Variants in CYSTM1 observed in about 807,000 individuals in gnomAD.
CYSTM1 encodes cysteine rich transmembrane module containing 1, also known as cysteine-rich transmembrane module-containing protein 1.
Under a neutral mutation model 13.1 loss-of-function variants are expected in CYSTM1, and 4 were observed. The observed-to-expected ratio is 0.31, with a 90% confidence interval of 0.15 to 0.70. The LOEUF (loss-of-function observed/expected upper bound fraction) is 0.70. CYSTM1 is among the 30% of genes least tolerant of loss of function. The pLI, the probability that CYSTM1 is intolerant of heterozygous loss-of-function variation, is 0.72. For missense variants in CYSTM1, 96 were observed against 121.6 expected (o/e 0.79, Z 0.99); for synonymous variants, 36 against 42.7 (o/e 0.84, Z 0.62).
chr5:140,211,331 G>T (rs1168567529), intron 2 of CYSTM1, among the ~76,000 whole-genome samples: 1 of 152,218 alleles, frequency 6.6e-6, no homozygotes, highest in African/African-American at 2.4e-5. Flanking sequence ...CTAGCAATCT[G>T]ATTCCAGAGG....
At chr5:140,233,179 A>G (rs909151605) in intron 2 of CYSTM1, among the ~76,000 whole-genome samples, 1 of 152,200 alleles carries the variant, frequency 6.6e-6, no homozygotes, top group East Asian at 1.9e-4. Context: ...CCTGAGGAAT[A>G]CATTTGAAAG....
At chr5:140,208,794 C>T (rs1164953037) in intron 2 of CYSTM1, among the ~76,000 whole-genome samples, 1 of 152,078 alleles carries the variant, frequency 6.6e-6, no homozygotes, top group Non-Finnish European at 1.5e-5. Flanking sequence ...AATCCCAGCA[C>T]TTTGGGAGGC....
chr5:140,217,046 T>C (rs1764436904), intron 2 of CYSTM1, among the ~76,000 whole-genome samples: 1 of 152,126 alleles, frequency 6.6e-6, no homozygotes, highest in Non-Finnish European at 1.5e-5. Flanking sequence ...TGATTTTCAA[T>C]TGCATTTTCC....
rs1764719506 is a variant in CYSTM1 at position 140,239,250 on chromosome 5, T to TGA, written c.188-4052_188-4051dup. ...GGGGCTGAGAATTGGAGCCTTCACC[T>TGA]GAGAAGGCCTATACTCACACTTCCT... On this transcript the variant is annotated intron_variant, in intron 2 of 2. Coordinates refer to ENST00000261811, the MANE Select transcript of CYSTM1 (RefSeq NM_032412.4). This position sits in a 1 kb window ranked among gnomAD's most constrained non-coding sequence, Gnocchi z 5.4. Among the ~76,000 whole-genome samples the TGA allele has an allele frequency of 6.6e-6, 1 of 152,166 alleles. No individual in the cohort carries two copies. Among genetic ancestry groups the TGA allele is most frequent in the African/African-American group, 2.4e-5 (1 of 41,434 alleles).
At chr5:140,184,199 C>T (rs1763990946) in intron 1 of CYSTM1, among the ~76,000 whole-genome samples, 1 of 152,124 alleles carries the variant, frequency 6.6e-6, no homozygotes, top group South Asian at 2.1e-4. Context: ...TAATAGAATG[C>T]ACTGTGTTGC....
At chr5:140,233,171 T>C (rs1049423443) in intron 2 of CYSTM1, among the ~76,000 whole-genome samples, 2 of 152,214 alleles carry the variant, frequency 1.3e-5, no homozygotes, top group Non-Finnish European at 2.9e-5. Flanking sequence ...CTTAGGGGCC[T>C]GAGGAATACA....
At chr5:140,222,418 C>T (rs1035643025) in intron 2 of CYSTM1, among the ~76,000 whole-genome samples, 4 of 152,214 alleles carry the variant, frequency 2.6e-5, no homozygotes, top group African/African-American at 9.6e-5. Context: ...AGCCAGTGTC[C>T]ATCTGTATTT....
At chr5:140,185,725 G>A (rs1764008563) in intron 1 of CYSTM1, among the ~76,000 whole-genome samples, 1 of 152,124 alleles carries the variant, frequency 6.6e-6, no homozygotes. Context: ...CTATCCCCCT[G>A]GGGCTCCTGT....
intron 2 of CYSTM1, among the ~76,000 whole-genome samples, chr5:140,206,050 C>A (rs1764294743): frequency 6.6e-6 from 1 of 152,196 alleles, no homozygotes; most frequent in Non-Finnish European, 1.5e-5. Flanking sequence ...TCTCTGACTC[C>A]TGCCACTTTG....
intron 2 of CYSTM1, among the ~76,000 whole-genome samples, chr5:140,226,470 A>AAT (rs1554133457): frequency 2.3e-5 from 3 of 128,878 alleles, no homozygotes; most frequent in East Asian, 4.2e-4. Flanking sequence ...CTCTATAAAA[A>AAT]ATATATATAT....
intron 1 of CYSTM1, among the ~76,000 whole-genome samples, chr5:140,193,364 A>G (rs776302667): frequency 4.6e-5 from 7 of 151,300 alleles, no homozygotes; most frequent in Non-Finnish European, 1.0e-4. Flanking sequence ...GCTCATTGCA[A>G]CCTCTACCTC....
intron 2 of CYSTM1, among the ~76,000 whole-genome samples, chr5:140,224,582 G>A (rs1419184812): frequency 6.6e-6 from 1 of 152,030 alleles, no homozygotes; most frequent in African/African-American, 2.4e-5. Context: ...ATGTGGTGGT[G>A]TGATCATGAC....
chr5:140,183,170 G>C (rs1763978500), intron 1 of CYSTM1, among the ~76,000 whole-genome samples: 1 of 152,210 alleles, frequency 6.6e-6, no homozygotes, highest in African/African-American at 2.4e-5. Flanking sequence ...AGGGGACCTG[G>C]CCTGGGAAGT....
chr5:140,195,996 G>A (rs1215558591), intron 2 of CYSTM1, among the ~76,000 whole-genome samples: 5 of 149,620 alleles, frequency 3.3e-5, no homozygotes, highest in African/African-American at 1.2e-4. Context: ...TGTGAGCCAA[G>A]GTCACACCAT....
intron 2 of CYSTM1, among the ~76,000 whole-genome samples, chr5:140,238,235 GC>G (rs1315297833): frequency 6.6e-6 from 1 of 152,194 alleles, no homozygotes; most frequent in Non-Finnish European, 1.5e-5. Context: ...AGCTTAGTAG[GC>G]AAAGGCAGCT....
At chr5:140,227,052 G>A (rs565395254) in intron 2 of CYSTM1, among the ~76,000 whole-genome samples, 4 of 152,184 alleles carry the variant, frequency 2.6e-5, no homozygotes, top group African/African-American at 7.2e-5. Flanking sequence ...GGTGAGGGGA[G>A]CCAGAGGGCT....
intron 1 of CYSTM1, among the ~76,000 whole-genome samples, chr5:140,192,853 G>T (rs891407527): frequency 2.0e-5 from 3 of 152,182 alleles, no homozygotes; most frequent in Non-Finnish European, 4.4e-5. Flanking sequence ...AGCTGGATGG[G>T]ATGAGCTTTC....
In CYSTM1 at chr5:140,230,811, G is replaced by A. The variant is rs1764609960; in HGVS notation, c.188-12494G>A. On this transcript the variant is annotated intron_variant, in intron 2 of 2. Transcript: ENST00000261811. The surrounding 1 kb of genome is among the most constrained non-coding windows in gnomAD (Gnocchi z 4.1). ...TCCCTATTAATCTGAGATGAGATTT[G>A]TCATATACCACGTTCCCATATACGA... 6.6e-6 allele frequency among the ~76,000 whole-genome samples: 1 copy of A among 152,164 alleles called. No homozygotes were observed. Among genetic ancestry groups the A allele is most frequent in the South Asian group, 2.1e-4 (1 of 4,832 alleles).
intron 2 of CYSTM1, among the ~76,000 whole-genome samples, chr5:140,213,773 G>A (rs999133685): frequency 1.3e-5 from 2 of 152,222 alleles, no homozygotes; most frequent in African/African-American, 4.8e-5. Context: ...AGCAATAGGT[G>A]ATAGTATATA....
Sources: gnomAD v4.1 joint callset for allele counts (sites outside exome capture counted in the v4.1 genomes callset) on GRCh38, gnomAD v4.1.1 for gene constraint, Gnocchi (gnomAD v3.1) non-coding constraint, MANE v1.5 for transcripts, NCBI Gene and HGNC (gene_info 2026-07-23, HGNC 2026-07-21) for gene names.